CCSER1: variants seen among roughly 807,000 people sequenced by gnomAD.
CCSER1 encodes coiled-coil serine rich protein 1.
CCSER1 carries 41 observed loss-of-function variants against 82.0 expected under a neutral mutation model. That is an observed-to-expected ratio of 0.50 (90% CI 0.39 to 0.65). CCSER1 has a LOEUF of 0.65. CCSER1 is among the 30% of genes least tolerant of loss of function. CCSER1 has a pLI of 0.00. For synonymous variants in CCSER1, 414 were observed against 383.9 expected, an observed-to-expected ratio of 1.08 and a Z score of -0.92; for missense variants, 1,119 against 1,064.2, an observed-to-expected ratio of 1.05 and a Z score of -0.72.
chr4:91,543,376 G>A (rs982789633), intron 10 of CCSER1, among the ~76,000 whole-genome samples: 1 of 152,116 alleles, frequency 6.6e-6, no homozygotes, highest in East Asian at 1.9e-4. Flanking sequence ...CTTGTTAGTT[G>A]ATGCAGTTTC....
chr4:90,485,550 G>A (rs992500337), intron 5 of CCSER1, among the ~76,000 whole-genome samples: 3 of 147,506 alleles, frequency 2.0e-5, no homozygotes, highest in Non-Finnish European at 4.5e-5. Flanking sequence ...TTTATTTAAA[G>A]TTTAGGGGTA....
At chr4:91,545,421 A>C (rs561107122) in intron 10 of CCSER1, among the ~76,000 whole-genome samples, 2 of 152,290 alleles carry the variant, frequency 1.3e-5, no homozygotes, top group East Asian at 3.9e-4. Flanking sequence ...TGGGAGCTGT[A>C]GACTGGAGGT....
At chr4:90,610,166 T>A (rs1311538004) in intron 5 of CCSER1, among the ~76,000 whole-genome samples, 2 of 151,866 alleles carry the variant, frequency 1.3e-5, no homozygotes, top group East Asian at 3.9e-4. Context: ...GGCAGGAGAA[T>A]GGTGTGAACC....
At chr4:91,316,495 A>C (rs1745845051) in intron 10 of CCSER1, among the ~76,000 whole-genome samples, 2 of 152,012 alleles carry the variant, frequency 1.3e-5, no homozygotes, top group South Asian at 4.1e-4. Context: ...TTCATTACTT[A>C]TAATGGACTG....
At chr4:90,246,361 A>G (rs1721398514) in intron 1 of CCSER1, among the ~76,000 whole-genome samples, 1 of 152,114 alleles carries the variant, frequency 6.6e-6, no homozygotes, top group Admixed American at 6.6e-5. Context: ...TTGTTTCTGT[A>G]CTTATCATTT....
At position 91,303,918 on chromosome 4, in the gene CCSER1, A is replaced by C. The variant is rs149301333; in HGVS notation, c.2217+217924A>C. Among the ~76,000 whole-genome samples the C allele has an allele frequency of 6.2e-4, 94 of 152,174 alleles. 1 individual carries two copies. The highest frequency in any genetic ancestry group is 1.3e-3 in the Non-Finnish European group (87 of 67,976). On this transcript the variant is annotated intron_variant, in intron 10 of 10. Transcript: ENST00000509176. ...GGAAACTGTGGAGCAGGGTGGGAGG[A>C]TATATAGAGTCTAATACAGATCTGA...
At chr4:91,126,430 T>C (rs2148900108) in intron 10 of CCSER1, among the ~76,000 whole-genome samples, 1 of 152,080 alleles carries the variant, frequency 6.6e-6, no homozygotes, top group Non-Finnish European at 1.5e-5. Context: ...TATGGATTTT[T>C]ATGATTCTCT....
intron 1 of CCSER1, among the ~76,000 whole-genome samples, chr4:90,228,748 A>G (rs1350696165): frequency 1.3e-5 from 2 of 152,236 alleles, no homozygotes; most frequent in East Asian, 3.8e-4. Context: ...ATGTATAACT[A>G]GAATAACCAA....
chr4:91,442,538 T>A (rs1282599834), intron 10 of CCSER1, among the ~76,000 whole-genome samples: 11 of 129,740 alleles, frequency 8.5e-5, no homozygotes, highest in South Asian at 2.8e-4. Flanking sequence ...AACCTAGGCA[T>A]TACCATTCAG....
intron 1 of CCSER1, among the ~76,000 whole-genome samples, chr4:90,269,327 T>C (rs769435300): frequency 9.2e-5 from 14 of 152,080 alleles, no homozygotes; most frequent in Non-Finnish European, 1.8e-4. Context: ...TGAAATCATA[T>C]GGATTATCTT....
chr4:91,513,133 G>T (rs1024601590), intron 10 of CCSER1, among the ~76,000 whole-genome samples: 7 of 152,014 alleles, frequency 4.6e-5, no homozygotes, highest in Admixed American at 4.6e-4. Context: ...ATATTTTGAG[G>T]TATGTTCTTT....
At chr4:90,338,165 G>A (rs1451400809) in intron 3 of CCSER1, among the ~76,000 whole-genome samples, 1 of 152,118 alleles carries the variant, frequency 6.6e-6, no homozygotes, top group Non-Finnish European at 1.5e-5. Flanking sequence ...TAAGATAGTG[G>A]TTGTCCTCAC....
chr4:90,816,185 A>C (rs1423956590), intron 8 of CCSER1, among the ~76,000 whole-genome samples: 1 of 152,220 alleles, frequency 6.6e-6, no homozygotes, highest in African/African-American at 2.4e-5. Flanking sequence ...AGCTATACCT[A>C]AAGATACAGA....
intron 5 of CCSER1, among the ~76,000 whole-genome samples, chr4:90,485,537 A>C (rs1766898367): frequency 7.1e-6 from 1 of 140,378 alleles, no homozygotes; most frequent in Non-Finnish European, 1.6e-5. Flanking sequence ...CCCCAATTTA[A>C]CTTTTATTTA....
chr4:90,892,780 T>A (rs1036690639), intron 8 of CCSER1, among the ~76,000 whole-genome samples: 9 of 152,116 alleles, frequency 5.9e-5, no homozygotes, highest in Non-Finnish European at 1.3e-4. Context: ...TTCCATAATA[T>A]GAAAGGAACA....
chr4:90,702,402 A>G (rs1345020841), intron 6 of CCSER1, among the ~76,000 whole-genome samples: 4 of 152,186 alleles, frequency 2.6e-5, no homozygotes, highest in African/African-American at 9.6e-5. Flanking sequence ...TTTTTCATCG[A>G]TGTTCATCAG....
At chr4:91,189,060 A>C (rs187692873) in intron 10 of CCSER1, among the ~76,000 whole-genome samples, 1 of 152,252 alleles carries the variant, frequency 6.6e-6, no homozygotes, top group Admixed American at 6.5e-5. Flanking sequence ...CCCGAACGGT[A>C]TATATAATGA....
At chr4:91,417,751 C>G (rs1753451780) in intron 10 of CCSER1, among the ~76,000 whole-genome samples, 1 of 151,448 alleles carries the variant, frequency 6.6e-6, no homozygotes, top group African/African-American at 2.4e-5. Flanking sequence ...GGGCTTAATC[C>G]TAGGTGATGG....
chr4:90,155,250 G>A (rs1238366491), intron 1 of CCSER1, among the ~76,000 whole-genome samples: 1 of 152,120 alleles, frequency 6.6e-6, no homozygotes, highest in Non-Finnish European at 1.5e-5. Flanking sequence ...TGGTGGATAA[G>A]CTTTTTGATG....
Sources: allele counts gnomAD v4.1 joint callset (sites outside exome capture counted in the v4.1 genomes callset), GRCh38; gene constraint gnomAD v4.1.1; transcripts MANE v1.5; gene names NCBI Gene and HGNC (gene_info 2026-07-23, HGNC 2026-07-21).